RNASEH2B: variants seen among roughly 807,000 people sequenced by gnomAD.
RNASEH2B encodes ribonuclease H2 subunit B, also known as Aicardi-Goutieres syndrome 2 protein.
RNASEH2B carries 36 observed loss-of-function variants against 45.0 expected under a neutral mutation model. The ratio of observed to expected loss-of-function variants is 0.80; its 90% confidence interval spans 0.61 to 1.06. The LOEUF (loss-of-function observed/expected upper bound fraction) is 1.06, where lower values mean the gene tolerates loss of function less well. Among genes scored for constraint, RNASEH2B ranks in the 50% least tolerant of loss-of-function variants. The pLI is 0.00. For missense variants in RNASEH2B, 361 were observed against 360.3 expected (o/e 1.00, Z -0.02); for synonymous variants, 119 against 125.7 (o/e 0.95, Z 0.35).
At chr13:50,933,319 A>G (rs1227602061) in intron 4 of RNASEH2B, among the ~76,000 whole-genome samples, 1 of 152,214 alleles carries the variant, frequency 6.6e-6, no homozygotes, top group African/African-American at 2.4e-5. Context: ...GGGCACCTCC[A>G]GGGTGCTATG....
chr13:50,958,192 T>C (rs550474681), downstream of RNASEH2B, among the ~76,000 whole-genome samples: 2 of 152,334 alleles, frequency 1.3e-5, no homozygotes, highest in African/African-American at 4.8e-5. Context: ...GGGTATTTCC[T>C]AGGTTTTCTT....
intron 1 of RNASEH2B, among the ~76,000 whole-genome samples, chr13:50,919,295 T>C (rs1951486879): frequency 6.6e-6 from 1 of 152,254 alleles, no homozygotes; most frequent in Admixed American, 6.5e-5. Flanking sequence ...TTTTGGCTTG[T>C]ACAATACTTT....
intron 1 of RNASEH2B, among the ~76,000 whole-genome samples, chr13:50,926,075 G>T (rs754517941): frequency 5.3e-5 from 8 of 150,956 alleles, no homozygotes; most frequent in African/African-American, 7.4e-5. Flanking sequence ...CTGGTGTTTT[G>T]TGGGTTTTTG....
At chr13:50,957,428 A>C (rs1376145026), downstream of RNASEH2B, among the ~76,000 whole-genome samples, 3 of 152,150 alleles carry the variant, frequency 2.0e-5, no homozygotes, top group Non-Finnish European at 2.9e-5. Flanking sequence ...AAAGGACATG[A>C]TTTCATTCTC....
chr13:50,955,465 G>A (rs1209855043), intron 10 of RNASEH2B: 1 of 152,208 alleles, frequency 6.6e-6, no homozygotes, highest in Non-Finnish European at 1.5e-5. Context: ...CATGGAGAAT[G>A]TCTTAAATGC....
At chr13:50,943,706 T>G (rs1951861667) in intron 6 of RNASEH2B, among the ~76,000 whole-genome samples, 1 of 152,190 alleles carries the variant, frequency 6.6e-6, no homozygotes, top group East Asian at 1.9e-4. Flanking sequence ...GGCTTGGCAC[T>G]TGTTGGCCAC....
At chr13:50,954,196 A>G (rs1952014529) in intron 10 of RNASEH2B, 2 of 624,626 alleles carry the variant, frequency 3.2e-6, no homozygotes, top group Non-Finnish European at 5.7e-6. Flanking sequence ...GAAAAACAAT[A>G]TACTACTTAT....
At chr13:50,931,748 G>A (rs1216128926) in intron 4 of RNASEH2B, among the ~76,000 whole-genome samples, 2 of 152,168 alleles carry the variant, frequency 1.3e-5, no homozygotes, top group Non-Finnish European at 2.9e-5. Context: ...TCAACAAGTA[G>A]TTTTTTAAAG....
chr13:50,916,394 C>T (rs938173585), intron 1 of RNASEH2B, among the ~76,000 whole-genome samples: 5 of 151,988 alleles, frequency 3.3e-5, no homozygotes, highest in African/African-American at 1.2e-4. Context: ...TTTTTTTCCT[C>T]TTAATTTTGA....
chr13:50,930,558 A>C, intron 3 of RNASEH2B, 125 bp from the exon 4 acceptor site: 1 of 774,456 alleles, frequency 1.3e-6, no homozygotes, highest in Non-Finnish European at 2.3e-6. Flanking sequence ...CTGTATAAGA[A>C]GAGATTTGAA....
At chr13:50,953,870 A>C in intron 9 of RNASEH2B, 35 bp from the exon 10 acceptor site, 1 of 1,357,900 alleles carries the variant, frequency 7.4e-7, no homozygotes, top group Non-Finnish European at 1.1e-6. Context: ...TGTCAAAGTG[A>C]CATTTGACAC....
At chr13:50,921,942 G>A (rs982753038) in intron 1 of RNASEH2B, among the ~76,000 whole-genome samples, 7 of 152,272 alleles carry the variant, frequency 4.6e-5, no homozygotes, top group Middle Eastern at 3.4e-3. Context: ...TTGTAAAAAC[G>A]GTACTTGTAA....
chr13:50,935,156 A>C (rs1951731637), intron 5 of RNASEH2B, 157 bp downstream of exon 5: 1 of 653,872 alleles, frequency 1.5e-6, no homozygotes, highest in African/African-American at 1.8e-5. Flanking sequence ...CTGTTCCTCT[A>C]TTGCTTTGGA....
At chr13:50,910,262 C>A in intron 1 of RNASEH2B, 122 bp downstream of exon 1, 1 of 599,396 alleles carries the variant, frequency 1.7e-6, no homozygotes, top group Non-Finnish European at 2.6e-6. Flanking sequence ...GGATGGGATT[C>A]TCTCTGGGAC....
chr13:50,931,037 G>A (rs757677743), intron 4 of RNASEH2B, among the ~76,000 whole-genome samples: 1 of 152,156 alleles, frequency 6.6e-6, no homozygotes, highest in Non-Finnish European at 1.5e-5. Context: ...GCTTGACAAA[G>A]CCTGACAGCT....
In RNASEH2B at chr13:50,949,434, A is replaced by C. The variant is rs770193650; in HGVS notation, c.699-29A>C. 2.1e-5 allele frequency: 34 copies of C among 1,609,290 alleles called. No homozygotes were observed. The East Asian group carries it at 7.6e-4, about 36-fold the overall frequency. On this transcript the variant is annotated intron_variant, in intron 8 of 10. Coordinates refer to ENST00000336617, the MANE Select transcript of RNASEH2B (RefSeq NM_024570.4). The stretch of plus-strand genomic sequence containing the variant: ...GTTTGTTTGTCTATGAAAAACGATG[A>C]CTTTGATTGTTATTTTTAACTTTCT...
At chr13:50,943,936 A>G (rs1347202721) in intron 6 of RNASEH2B, among the ~76,000 whole-genome samples, 4 of 151,918 alleles carry the variant, frequency 2.6e-5, no homozygotes, top group African/African-American at 7.3e-5. Flanking sequence ...TTTCAAATCA[A>G]TTTAGTAGGT....
rs1952056289 is a variant in RNASEH2B, at chr13:50,956,714, A to G, written c.*240A>G. 1 of 1,240,148 alleles carries G rather than the reference A, an allele frequency of 8.1e-7. No individual in the cohort carries two copies. Among genetic ancestry groups the G allele is most frequent in the African/African-American group, 1.5e-5 (1 of 64,850 alleles). The allele number at this position is 1,240,148 out of a possible 1,614,324, so 76.8% of individuals were successfully genotyped here. On this transcript the variant is annotated 3_prime_UTR_variant, in exon 11 of 11. Transcript: ENST00000336617. ...AATGAAAAGTAATCACTTGAAGAGAATTAACATATAGCATCATGATTTTCT... is the reference window on the plus strand; with the variant it reads ...AATGAAAAGTAATCACTTGAAGAGAGTTAACATATAGCATCATGATTTTCT...
intron 1 of RNASEH2B, among the ~76,000 whole-genome samples, chr13:50,918,384 G>A (rs889327484): frequency 6.6e-5 from 10 of 152,154 alleles, no homozygotes; most frequent in South Asian, 4.1e-4. Context: ...TGATCCGCCC[G>A]CCTCGGCCTC....
Sources: allele counts gnomAD v4.1 joint callset (sites outside exome capture counted in the v4.1 genomes callset), GRCh38; gene constraint gnomAD v4.1.1; transcripts MANE v1.5; gene names NCBI Gene and HGNC (gene_info 2026-07-23, HGNC 2026-07-21).